The following LARGE1 variants were observed in gnomAD, a reference collection of about 807,000 sequenced individuals.
LARGE1 encodes the protein xylosyl- and glucuronyltransferase LARGE1.
In LARGE1, 43 loss-of-function variants were observed where a neutral mutation model predicts 87.6. The ratio of observed to expected loss-of-function variants is 0.49; its 90% CI spans 0.38 to 0.63. LARGE1 has a LOEUF of 0.63. LARGE1 is among the 30% of genes least tolerant of loss of function. LARGE1 has a pLI of 0.00. For synonymous variants in LARGE1, 434 were observed against 394.6 expected (o/e 1.10, Z -1.18); for missense variants, 802 against 1,000.2 (o/e 0.80, Z 2.67).
At chr22:33,305,900 G>A (rs12484594) in intron 11 of LARGE1, among the ~76,000 whole-genome samples, 2 of 147,870 alleles carry the variant, frequency 1.4e-5, no homozygotes, top group Admixed American at 1.4e-4. Flanking sequence ...GTGCAGTGGC[G>A]TGATCTCAGC....
intron 11 of LARGE1, among the ~76,000 whole-genome samples, chr22:33,183,039 G>A (rs188891973): frequency 6.6e-6 from 1 of 151,964 alleles, no homozygotes; most frequent in East Asian, 1.9e-4. Context: ...CTACAAAATG[G>A]GAGAAAATAC....
chr22:33,518,590 C>T (rs571177153), intron 6 of LARGE1, among the ~76,000 whole-genome samples: 10 of 152,268 alleles, frequency 6.6e-5, no homozygotes, highest in Admixed American at 2.6e-4. Flanking sequence ...ATCACAGGCA[C>T]GACCCACCGC....
At chr22:33,353,856 C>A (rs536962970) in intron 9 of LARGE1, among the ~76,000 whole-genome samples, 2 of 152,214 alleles carry the variant, frequency 1.3e-5, no homozygotes, top group Non-Finnish European at 2.9e-5. Flanking sequence ...TTGACTCCAT[C>A]ATTGCTAAGC....
chr22:33,856,741 T>C (rs2063766224), intron 1 of LARGE1: 1 of 152,222 alleles, frequency 6.6e-6, no homozygotes, highest in Admixed American at 6.5e-5. Flanking sequence ...ACATCTTACC[T>C]GGCTCACGAC....
intron 6 of LARGE1, among the ~76,000 whole-genome samples, chr22:33,443,260 A>G (rs145959748): frequency 1.8e-3 from 275 of 152,304 alleles, no homozygotes; most frequent in Non-Finnish European, 3.4e-3. Context: ...TCAGTTACAA[A>G]AGCCCATGTT....
At chr22:33,461,303 C>T (rs903514939) in intron 6 of LARGE1, among the ~76,000 whole-genome samples, 22 of 152,094 alleles carry the variant, frequency 1.4e-4, no homozygotes, top group Non-Finnish European at 2.9e-4. Context: ...AACAGACAAA[C>T]AAACAAACAA....
the LARGE1 span, among the ~76,000 whole-genome samples, chr22:33,116,911 T>C: frequency 6.6e-6 from 1 of 152,076 alleles, no homozygotes. Context: ...AAAACTACAG[T>C]AAGGGGCAGA....
At chr22:33,632,281 G>A (rs2080134068) in intron 3 of LARGE1, among the ~76,000 whole-genome samples, 1 of 152,126 alleles carries the variant, frequency 6.6e-6, no homozygotes, top group Non-Finnish European at 1.5e-5. Context: ...CGGCCATCAT[G>A]CCCAGCTAAT....
chr22:33,135,242 G>T, the LARGE1 span, among the ~76,000 whole-genome samples: 1 of 152,138 alleles, frequency 6.6e-6, no homozygotes, highest in Non-Finnish European at 1.5e-5. Flanking sequence ...AGTAAGGCTG[G>T]GTTGGATGAG....
intron 5 of LARGE1, among the ~76,000 whole-genome samples, chr22:33,584,249 G>C (rs915640394): frequency 3.9e-5 from 6 of 152,148 alleles, no homozygotes; most frequent in Non-Finnish European, 7.3e-5. Context: ...TTAACTCAAA[G>C]AGCAAGATAA....
chr22:33,322,066 G>A (rs1456246861), intron 10 of LARGE1, among the ~76,000 whole-genome samples: 3 of 152,222 alleles, frequency 2.0e-5, no homozygotes, highest in South Asian at 2.1e-4. Context: ...TGATCCACCC[G>A]CCTCGGCCTC....
Position 33,697,549 on chromosome 22 carries a change from C to CAAA in LARGE1, c.107-46884_107-46882dup, listed in dbSNP as rs3072289. ...CTGGCGACAAAGCTAGACTCTGTCCCAAAAAAAAAAAAAAAAAAAAAGGAA... is the reference window on the plus strand; with the variant it reads ...CTGGCGACAAAGCTAGACTCTGTCCCAAAAAAAAAAAAAAAAAAAAAAAAGGAA... On this transcript the variant is annotated intron_variant, in intron 2 of 14. Coordinates refer to ENST00000397394, the MANE Select transcript of LARGE1 (RefSeq NM_133642.5). 3.7e-4 allele frequency among the ~76,000 whole-genome samples: 20 copies of CAAA among 54,114 alleles called. 7 individuals are homozygous for CAAA. Among genetic ancestry groups the CAAA allele is most frequent in the East Asian group, 6.4e-4 (1 of 1,574 alleles). 35.5% of individuals were successfully genotyped at this position (54,114 alleles called of 152,430 possible).
intron 5 of LARGE1, among the ~76,000 whole-genome samples, chr22:33,603,627 CA>C (rs1412447537): frequency 6.6e-6 from 1 of 152,096 alleles, no homozygotes; most frequent in Non-Finnish European, 1.5e-5. Flanking sequence ...ATGGAAGGAA[CA>C]GAATAAGCAA....
chr22:33,331,405 CTTATCT>C (rs1306410360), intron 10 of LARGE1, among the ~76,000 whole-genome samples: 21 of 142,736 alleles, frequency 1.5e-4, no homozygotes, highest in African/African-American at 5.5e-4. Context: ...TCTTTCTCTT[CTTATCT>C]TTTTTTTTTT....
At chr22:33,336,648 A>G (rs1174432164) in intron 10 of LARGE1, among the ~76,000 whole-genome samples, 1 of 152,178 alleles carries the variant, frequency 6.6e-6, no homozygotes, top group African/African-American at 2.4e-5. Context: ...TTTTTCTGTT[A>G]AAGTGCCTCT....
intron 11 of LARGE1, among the ~76,000 whole-genome samples, chr22:33,174,842 C>T (rs911504856): frequency 2.0e-5 from 3 of 151,990 alleles, no homozygotes; most frequent in Admixed American, 6.6e-5. Flanking sequence ...AAATTGGGGC[C>T]GTAATGAATA....
intron 1 of LARGE1, among the ~76,000 whole-genome samples, chr22:33,797,403 C>G (rs2086020478): frequency 6.6e-6 from 1 of 152,162 alleles, no homozygotes; most frequent in Admixed American, 6.5e-5. Flanking sequence ...GGAGGTATCC[C>G]ACCATCCCAA....
chr22:33,695,249 G>T (rs766326000), intron 2 of LARGE1, among the ~76,000 whole-genome samples: 1 of 151,064 alleles, frequency 6.6e-6, no homozygotes. Context: ...GATTACAGGC[G>T]CACGCCACCA....
chr22:33,703,597 T>C (rs1470300888), intron 2 of LARGE1, among the ~76,000 whole-genome samples: 2 of 152,068 alleles, frequency 1.3e-5, no homozygotes, highest in Non-Finnish European at 1.5e-5. Context: ...AGAGTCGGCG[T>C]CGGAGGGAAT....
Sources: allele counts gnomAD v4.1 joint callset (sites outside exome capture counted in the v4.1 genomes callset), GRCh38; gene constraint gnomAD v4.1.1; transcripts MANE v1.5; gene names NCBI Gene and HGNC (gene_info 2026-07-23, HGNC 2026-07-21).